The following PRR20G variants were observed in gnomAD, a reference collection of about 807,000 sequenced individuals.
The protein encoded by PRR20G is proline rich 20G.
intron 2 of PRR20G, among the ~76,000 whole-genome samples, chr3:127,285,214 A>G (rs1479451040): frequency 6.6e-6 from 1 of 152,234 alleles, no homozygotes; most frequent in African/African-American, 2.4e-5. Context: ...TTACATTACT[A>G]TCAGGTGCAA....
chr3:127,287,172 A>G (rs1417761923), intron 2 of PRR20G, among the ~76,000 whole-genome samples, 142 bp downstream of exon 2: 1 of 152,202 alleles, frequency 6.6e-6, no homozygotes, highest in Non-Finnish European at 1.5e-5. Context: ...GTGGTCCCAA[A>G]GGTGTGGGAG....
chr3:127,287,611 G>A (rs983340514), intron 1 of PRR20G, among the ~76,000 whole-genome samples: 3 of 152,196 alleles, frequency 2.0e-5, no homozygotes, highest in Non-Finnish European at 4.4e-5. Flanking sequence ...AGTGGAGCCA[G>A]TAGCAAGCGG....
intron 2 of PRR20G, among the ~76,000 whole-genome samples, chr3:127,287,005 G>C (rs879646182): frequency 1.3e-5 from 2 of 152,104 alleles, no homozygotes; most frequent in Non-Finnish European, 1.5e-5. Flanking sequence ...GAGTGGTGGT[G>C]GTGGTGGGAA....
intron 2 of PRR20G, among the ~76,000 whole-genome samples, chr3:127,286,060 C>G (rs1263972051): frequency 1.3e-5 from 2 of 151,730 alleles, no homozygotes; most frequent in East Asian, 3.9e-4. Context: ...GAGCAAAAAC[C>G]CACAATGATG....
rs533667191 is a variant in PRR20G at position 127,284,463 on chromosome 3, C to T, written c.230G>A (p.Arg77Gln). Residue 77 changes from arginine to glutamine, a missense_variant, in exon 3 of 3, where the codon CGG (arginine) becomes CAG (glutamine). Physicochemically the swap from Arg to Gln is conservative, Grantham distance 43. Coordinates refer to ENST00000465482, the MANE Select transcript of PRR20G (RefSeq NM_001362810.2). ...GRGQRGGGSW[R>Q]AGRGRGSGAG... ...CCCACTGCCGCGGCCTCGACCTGCCCGCCAGCTTCCTCCCCCACGCTGGCC... is the reference window on the plus strand; with the variant it reads ...CCCACTGCCGCGGCCTCGACCTGCCTGCCAGCTTCCTCCCCCACGCTGGCC... The T allele has an allele frequency of 4.5e-5, 7 of 154,232 alleles. No individual in the cohort carries two copies. Among genetic ancestry groups the T allele is most frequent in the Non-Finnish European group, 8.7e-5 (6 of 69,184 alleles). The allele number at this position is 154,232 out of a possible 1,614,324, so 9.6% of individuals were successfully genotyped here.
chr3:127,286,299 CA>C (rs1430548666), intron 2 of PRR20G, among the ~76,000 whole-genome samples: 1 of 152,166 alleles, frequency 6.6e-6, no homozygotes, highest in Non-Finnish European at 1.5e-5. Context: ...AAAATGCCTT[CA>C]AAATTTCGAG....
At chr3:127,286,667 C>A (rs570318402) in intron 2 of PRR20G, among the ~76,000 whole-genome samples, 2 of 152,214 alleles carry the variant, frequency 1.3e-5, no homozygotes, top group African/African-American at 4.8e-5. Flanking sequence ...GGTTAAAATT[C>A]AAAAGAGGAA....
Position 127,287,375 on chromosome 3 carries a change from G to A in PRR20G, c.-7-3C>T, listed in dbSNP as rs887556424. Among the ~76,000 whole-genome samples, 17 of 152,210 alleles carry A rather than the reference G, an allele frequency of 1.1e-4. No homozygotes were observed. The highest frequency in any genetic ancestry group is 1.9e-4 in the East Asian group (1 of 5,188). On this transcript the variant is annotated splice_region_variant and splice_polypyrimidine_tract_variant and intron_variant, in intron 1 of 2. Coordinates refer to ENST00000465482, the MANE Select transcript of PRR20G (RefSeq NM_001362810.2). ...GCCTTGGTTCCTCCATGAGGAATCT[G>A]CGGGAGTGGGTGGGGAGGAAAACGC...
chr3:127,286,981 G>A (rs1330478702), intron 2 of PRR20G, among the ~76,000 whole-genome samples: 1 of 152,162 alleles, frequency 6.6e-6, no homozygotes, highest in Non-Finnish European at 1.5e-5. Flanking sequence ...GCCCTGGGAT[G>A]GGTGTGGCTG....
At chr3:127,286,254 C>A (rs1038245526) in intron 2 of PRR20G, among the ~76,000 whole-genome samples, 1 of 152,120 alleles carries the variant, frequency 6.6e-6, no homozygotes, top group Non-Finnish European at 1.5e-5. Context: ...AAATCAGACA[C>A]CTCAAAAGCA....
chr3:127,287,481 G>A (rs1309195213), intron 1 of PRR20G, among the ~76,000 whole-genome samples, 109 bp from the exon 2 acceptor site: 1 of 152,140 alleles, frequency 6.6e-6, no homozygotes. Flanking sequence ...CCTCCTACAG[G>A]GCCACTGCCG....
intron 2 of PRR20G, among the ~76,000 whole-genome samples, chr3:127,285,879 A>C (rs1020595085): frequency 2.2e-4 from 33 of 152,330 alleles, no homozygotes; most frequent in African/African-American, 7.2e-4. Context: ...ATCTATAATT[A>C]ATATCCCCAG....
At chr3:127,286,583 C>T (rs1271264810) in intron 2 of PRR20G, among the ~76,000 whole-genome samples, 1 of 152,114 alleles carries the variant, frequency 6.6e-6, no homozygotes, top group African/African-American at 2.4e-5. Context: ...TAGATCGAGA[C>T]ATAGTGTAAG....
At chr3:127,286,842 G>T (rs1281141627) in intron 2 of PRR20G, among the ~76,000 whole-genome samples, 1 of 152,132 alleles carries the variant, frequency 6.6e-6, no homozygotes, top group African/African-American at 2.4e-5. Context: ...GGATAGACTC[G>T]TGATAAGTAA....
intron 2 of PRR20G, among the ~76,000 whole-genome samples, chr3:127,285,326 CA>C (rs2080381912): frequency 6.6e-6 from 1 of 151,898 alleles, no homozygotes; most frequent in Admixed American, 6.6e-5. Flanking sequence ...TTTAGCAAGG[CA>C]AAGGCGGGAG....
At chr3:127,287,064 A>T (rs1213901128) in intron 2 of PRR20G, among the ~76,000 whole-genome samples, 2 of 152,124 alleles carry the variant, frequency 1.3e-5, no homozygotes, top group African/African-American at 4.8e-5. Context: ...GAAGACCATA[A>T]ATAAAGTCTA....
chr3:127,285,146 A>G (rs1253978791), intron 2 of PRR20G, among the ~76,000 whole-genome samples: 1 of 152,216 alleles, frequency 6.6e-6, no homozygotes, highest in Non-Finnish European at 1.5e-5. Context: ...ATAAATTAGT[A>G]TAATAACATG....
intron 2 of PRR20G, among the ~76,000 whole-genome samples, chr3:127,286,039 C>T (rs1396155268): frequency 1.3e-5 from 2 of 151,780 alleles, no homozygotes; most frequent in Non-Finnish European, 2.9e-5. Context: ...GAGAAGATCT[C>T]CCAGGAAAGA....
intron 2 of PRR20G, among the ~76,000 whole-genome samples, chr3:127,286,803 T>A (rs2080390073): frequency 6.6e-6 from 1 of 152,188 alleles, no homozygotes; most frequent in Non-Finnish European, 1.5e-5. Flanking sequence ...TGATTGAGTT[T>A]GAATTTAAGT....
Sources: allele counts gnomAD v4.1 joint callset (sites outside exome capture counted in the v4.1 genomes callset), GRCh38; gene constraint gnomAD v4.1.1; transcripts MANE v1.5; gene names NCBI Gene and HGNC (gene_info 2026-07-23, HGNC 2026-07-21).